Variants in CDH18 observed in about 807,000 individuals in gnomAD.
CDH18 encodes cadherin-18.
CDH18 carries 31 observed loss-of-function variants against 67.9 expected under a neutral mutation model. The observed-to-expected ratio is 0.46, with a 90% confidence interval of 0.34 to 0.62. The LOEUF (loss-of-function observed/expected upper bound fraction) is 0.62. Ranked by LOEUF, CDH18 falls within the 20% of genes least tolerant of loss-of-function variation. CDH18 has a pLI of 0.01. For missense variants in CDH18, 890 were observed against 975.5 expected (o/e 0.91, Z 1.17); for synonymous variants, 362 against 347.2 (o/e 1.04, Z -0.48).
chr5:20,383,076 T>C (rs1036764308), intron 1 of CDH18, among the ~76,000 whole-genome samples: 5 of 152,156 alleles, frequency 3.3e-5, no homozygotes, highest in African/African-American at 1.2e-4. Flanking sequence ...AAAAAACTCT[T>C]GTTAAATGCA....
chr5:19,604,484 G>A (rs1324039119), intron 6 of CDH18, among the ~76,000 whole-genome samples: 2 of 149,858 alleles, frequency 1.3e-5, no homozygotes, highest in Non-Finnish European at 1.5e-5. Context: ...CACTTTAAAT[G>A]TTTATGCAAA....
chr5:20,507,507 A>G (rs1231707054), intron 1 of CDH18, among the ~76,000 whole-genome samples: 1 of 152,180 alleles, frequency 6.6e-6, no homozygotes, highest in African/African-American at 2.4e-5. Flanking sequence ...GATTTTCATG[A>G]GAACACATTT....
At chr5:20,032,777 T>A (rs1378405499) in intron 2 of CDH18, among the ~76,000 whole-genome samples, 3 of 151,970 alleles carry the variant, frequency 2.0e-5, no homozygotes, top group Non-Finnish European at 4.4e-5. Flanking sequence ...AATAGAACAT[T>A]TTCTGAAAAA....
At chr5:19,954,555 T>G (rs1206541790) in intron 2 of CDH18, among the ~76,000 whole-genome samples, 1 of 152,008 alleles carries the variant, frequency 6.6e-6, no homozygotes, top group Non-Finnish European at 1.5e-5. Context: ...AAACATGTCT[T>G]TAATCATAAA....
rs1168757513 is a variant in CDH18 at position 20,281,197 on chromosome 5, A to T, written c.-579-25692T>A. Reference sequence around the variant, plus strand: ...ATGGTAGTTTCTTTTGCTGTGCAGAAGCTCTTTAGTTTAATTAGATCCCAT... The same window carrying T: ...ATGGTAGTTTCTTTTGCTGTGCAGATGCTCTTTAGTTTAATTAGATCCCAT... On this transcript the variant is annotated intron_variant, in intron 1 of 14. Coordinates refer to the CDH18 transcript ENST00000507958. Among the ~76,000 whole-genome samples the T allele has an allele frequency of 2.0e-5, 3 of 152,038 alleles. No homozygotes were observed. In the East Asian group the frequency reaches 5.8e-4, roughly 29 times the overall value.
chr5:19,590,952 T>C, intron 7 of CDH18, 105 bp downstream of exon 7: 1 of 591,744 alleles, frequency 1.7e-6, no homozygotes, highest in Non-Finnish European at 3.0e-6. Context: ...CAATATTTTA[T>C]CATTTTAATG....
intron 3 of CDH18, among the ~76,000 whole-genome samples, chr5:19,811,132 A>AAG (rs1286389582): frequency 7.0e-5 from 9 of 128,076 alleles, no homozygotes. Context: ...GAAAGAAAGA[A>AAG]AGAAAGAAAG....
At chr5:20,440,192 A>G (rs1749506385) in intron 1 of CDH18, among the ~76,000 whole-genome samples, 1 of 151,912 alleles carries the variant, frequency 6.6e-6, no homozygotes, top group South Asian at 2.1e-4. Context: ...AGAACATAGC[A>G]TTAGATCCTA....
chr5:19,627,883 A>G (rs1177288791), intron 5 of CDH18, among the ~76,000 whole-genome samples: 1 of 152,210 alleles, frequency 6.6e-6, no homozygotes, highest in Admixed American at 6.5e-5. Context: ...ACCAGTGATG[A>G]TATCAGAATG....
chr5:20,534,384 TA>T (rs1367600193), intron 1 of CDH18, among the ~76,000 whole-genome samples: 2 of 152,070 alleles, frequency 1.3e-5, no homozygotes, highest in Non-Finnish European at 2.9e-5. Flanking sequence ...AAAGAAGCAT[TA>T]AAAATAATCA....
At chr5:20,296,728 A>C (rs1209027848) in intron 1 of CDH18, among the ~76,000 whole-genome samples, 2 of 151,806 alleles carry the variant, frequency 1.3e-5, no homozygotes, top group African/African-American at 4.8e-5. Context: ...AAAATATTAA[A>C]TGTAATTAAA....
chr5:19,770,673 G>A (rs946336696), intron 3 of CDH18, among the ~76,000 whole-genome samples: 2 of 152,030 alleles, frequency 1.3e-5, no homozygotes, highest in African/African-American at 4.8e-5. Context: ...AAAGTCCACA[G>A]AGTGTAGTCA....
chr5:20,467,951 TTTGTTA>T (rs1751761745), intron 1 of CDH18, among the ~76,000 whole-genome samples: 1 of 151,906 alleles, frequency 6.6e-6, no homozygotes, highest in African/African-American at 2.4e-5. Flanking sequence ...TTTTTATTCC[TTTGTTA>T]TTATTATTCT....
chr5:19,718,470 T>C (rs1473291560), intron 5 of CDH18, among the ~76,000 whole-genome samples: 2 of 152,018 alleles, frequency 1.3e-5, no homozygotes, highest in African/African-American at 4.8e-5. Context: ...CATTCACTTT[T>C]CTGCACAATT....
chr5:19,936,135 G>T (rs1004893977), intron 2 of CDH18, among the ~76,000 whole-genome samples: 6 of 151,210 alleles, frequency 4.0e-5, no homozygotes, highest in Admixed American at 1.3e-4. Context: ...ACTGAAAGTT[G>T]CCTGTGCTCT....
At chr5:19,610,023 A>C (rs1580475967) in intron 6 of CDH18, among the ~76,000 whole-genome samples, 1 of 152,130 alleles carries the variant, frequency 6.6e-6, no homozygotes, top group African/African-American at 2.4e-5. Flanking sequence ...TACTTTTGTC[A>C]TGGTGACACC....
At chr5:19,902,158 T>C (rs1347572886) in intron 2 of CDH18, among the ~76,000 whole-genome samples, 2 of 152,130 alleles carry the variant, frequency 1.3e-5, no homozygotes, top group Non-Finnish European at 2.9e-5. Flanking sequence ...ACAAAACATA[T>C]AGGGAAGCAG....
At chr5:19,769,224 A>G (rs192925273) in intron 3 of CDH18, among the ~76,000 whole-genome samples, 2 of 152,120 alleles carry the variant, frequency 1.3e-5, no homozygotes, top group Non-Finnish European at 2.9e-5. Flanking sequence ...AACCTCAAGT[A>G]GCATAAACTA....
intron 2 of CDH18, among the ~76,000 whole-genome samples, chr5:20,106,771 GA>G (rs1746977737): frequency 6.6e-6 from 1 of 152,140 alleles, no homozygotes; most frequent in Admixed American, 6.5e-5. Context: ...TGGGAACTGT[GA>G]AAACATGGTT....
Sources: allele counts gnomAD v4.1 joint callset (sites outside exome capture counted in the v4.1 genomes callset), GRCh38; gene constraint gnomAD v4.1.1; transcripts MANE v1.5; gene names NCBI Gene and HGNC (gene_info 2026-07-23, HGNC 2026-07-21).